REV3L: variants seen among roughly 807,000 people sequenced by gnomAD.
REV3L encodes REV3 like, DNA directed polymerase zeta catalytic subunit, also known as DNA polymerase zeta catalytic subunit.
A neutral mutation model predicts 299.4 loss-of-function variants in REV3L; 69 were observed. The ratio of observed to expected loss-of-function variants is 0.23; its 90% CI spans 0.19 to 0.28. The LOEUF (loss-of-function observed/expected upper bound fraction) is 0.28. Among genes scored for constraint, REV3L ranks in the 10% least tolerant of loss-of-function variants. The pLI is 1.00. For missense variants in REV3L, 3,128 were observed against 3,693.8 expected (o/e 0.85, Z 3.97); for synonymous variants, 1,238 against 1,271.4 (o/e 0.97, Z 0.56).
intron 1 of REV3L, 89 bp downstream of exon 1, chr6:111,482,661 C>G (rs1562384315): frequency 3.7e-6 from 3 of 818,746 alleles, no homozygotes; most frequent in African/African-American, 1.9e-5. Context: ...CGGCCGGCGC[C>G]GGTGGCGTGT....
chr6:111,482,028 G>A (rs1793750871), intron 1 of REV3L, among the ~76,000 whole-genome samples: 1 of 152,144 alleles, frequency 6.6e-6, no homozygotes, highest in Non-Finnish European at 1.5e-5. Flanking sequence ...TGATGTTTTA[G>A]GTTGGGCAAC....
chr6:111,345,879 A>C (rs1365309666), intron 20 of REV3L, among the ~76,000 whole-genome samples: 4 of 151,692 alleles, frequency 2.6e-5, no homozygotes, highest in Non-Finnish European at 5.9e-5. Context: ...GTATCACTTT[A>C]ATTTCCTAAC....
chr6:111,356,793 T>A (rs1258378766), intron 18 of REV3L: 1 of 260,006 alleles, frequency 3.8e-6, no homozygotes, highest in Non-Finnish European at 7.2e-6. Context: ...GGCCCCTCAA[T>A]CTTGAGAACA....
At chr6:111,380,253 A>C (rs760538893) in intron 10 of REV3L, 34 bp from the exon 11 acceptor site, 6 of 1,474,268 alleles carry the variant, frequency 4.1e-6, no homozygotes, top group Middle Eastern at 1.8e-4. Context: ...CCAACAAATA[A>C]GTTTTCTTTT....
At chr6:111,453,623 G>A (rs2128318811) in intron 1 of REV3L, among the ~76,000 whole-genome samples, 1 of 152,228 alleles carries the variant, frequency 6.6e-6, no homozygotes, top group African/African-American at 2.4e-5. Flanking sequence ...AACCACTTTA[G>A]TTATTAATTT....
chr6:111,337,833 A>C (rs927216798), intron 21 of REV3L, among the ~76,000 whole-genome samples: 2 of 152,176 alleles, frequency 1.3e-5, no homozygotes, highest in African/African-American at 4.8e-5. Context: ...GTCCCTTTAA[A>C]ATAGAACAAA....
At chr6:111,334,907 C>T (rs1324416239) in intron 22 of REV3L, among the ~76,000 whole-genome samples, 2 of 152,066 alleles carry the variant, frequency 1.3e-5, no homozygotes, top group Admixed American at 1.3e-4. Flanking sequence ...CTGATGCCTA[C>T]CACCGTGCTT....
chr6:111,414,378 T>A (rs1023288404), intron 2 of REV3L, among the ~76,000 whole-genome samples: 1 of 152,128 alleles, frequency 6.6e-6, no homozygotes, highest in Non-Finnish European at 1.5e-5. Context: ...AGAAAGTCAC[T>A]GTTTCTGAAT....
At chr6:111,360,504 C>G (rs1462425400) in intron 16 of REV3L, 5 of 125,528 alleles carry the variant, frequency 4.0e-5, no homozygotes, top group African/African-American at 1.5e-4. Flanking sequence ...GACACAGGGT[C>G]TCTCTCTGTT....
intron 9 of REV3L, among the ~76,000 whole-genome samples, chr6:111,385,676 A>G (rs1371942484): frequency 1.3e-5 from 2 of 152,010 alleles, no homozygotes; most frequent in Admixed American, 6.6e-5. Context: ...GAAGATTTTT[A>G]TAAGATAAGC....
intron 5 of REV3L, among the ~76,000 whole-genome samples, chr6:111,390,745 T>C (rs1196274128): frequency 1.3e-5 from 2 of 152,154 alleles, no homozygotes; most frequent in African/African-American, 4.8e-5. Flanking sequence ...AACAGTGGGA[T>C]CATAGCTAGG....
upstream of REV3L, chr6:111,483,325 G>C (rs1314633604): frequency 2.1e-6 from 1 of 481,656 alleles, no homozygotes; most frequent in African/African-American, 2.1e-5. Context: ...GAGGGCGGGC[G>C]CCCGGGCGGG....
intron 14 of REV3L, among the ~76,000 whole-genome samples, chr6:111,365,963 A>T (rs17510999): frequency 4.6e-5 from 7 of 152,168 alleles, no homozygotes; most frequent in Admixed American, 3.9e-4. Flanking sequence ...GTGGTGGAAG[A>T]AGTACAATAA....
intron 1 of REV3L, among the ~76,000 whole-genome samples, chr6:111,420,950 C>T (rs1204795289): frequency 2.0e-5 from 3 of 152,032 alleles, no homozygotes; most frequent in Non-Finnish European, 2.9e-5. Context: ...ACCATCCTGG[C>T]CAACATGGTG....
chr6:111,417,271 A>G (rs1333616163), intron 1 of REV3L, among the ~76,000 whole-genome samples: 1 of 152,214 alleles, frequency 6.6e-6, no homozygotes, highest in African/African-American at 2.4e-5. Context: ...AATGCCACAG[A>G]AACGATAATC....
At chr6:111,351,870 T>A in intron 18 of REV3L, 79 bp from the exon 19 acceptor site, 2 of 973,532 alleles carry the variant, frequency 2.1e-6, no homozygotes, top group Non-Finnish European at 3.1e-6. Flanking sequence ...CTTCATGATA[T>A]AAGGTATGAA....
At position 111,375,775 on chromosome 6, in the gene REV3L, A is replaced by G. The variant is rs1257776321; in HGVS notation, c.2580T>C (p.Asn860=). The G allele has an allele frequency of 9.3e-6, 15 of 1,613,570 alleles. No homozygotes were observed. Among genetic ancestry groups the G allele is most frequent in the Non-Finnish European group, 1.3e-5 (15 of 1,179,756 alleles). ...TCTCAGGATTACTATTACAAGGATT[A>G]TTTTGTATAAAATTATCTTTTGTGG... ...TGSTKDNFIQ[N]NPCNSNPEKD... The change falls in exon 13 of 32, where the codon AAT becomes AAC. Residue 860 remains asparagine, a synonymous_variant. Coordinates refer to ENST00000368802, the MANE Select transcript of REV3L (RefSeq NM_001372078.1).
At chr6:111,377,141 G>A (rs1780394920) in intron 12 of REV3L, among the ~76,000 whole-genome samples, 1 of 152,096 alleles carries the variant, frequency 6.6e-6, no homozygotes, top group Non-Finnish European at 1.5e-5. Context: ...AGTTTTCAAA[G>A]CTTGAATTCA....
intron 18 of REV3L, among the ~76,000 whole-genome samples, chr6:111,353,311 G>A (rs1407445610): frequency 6.6e-6 from 1 of 152,108 alleles, no homozygotes; most frequent in Non-Finnish European, 1.5e-5. Context: ...TCTAAAAATG[G>A]GTATTGAATG....
Sources: gnomAD v4.1 joint callset for allele counts (sites outside exome capture counted in the v4.1 genomes callset) on GRCh38, gnomAD v4.1.1 for gene constraint, MANE v1.5 for transcripts, NCBI Gene and HGNC (gene_info 2026-07-23, HGNC 2026-07-21) for gene names.